The following CADM2 variants were observed in gnomAD, a reference collection of about 807,000 sequenced individuals.
CADM2 encodes cell adhesion molecule 2, also known as immunoglobulin superfamily member 4D.
CADM2 carries 12 observed loss-of-function variants against 49.8 expected under a neutral mutation model. The observed-to-expected ratio is 0.24, with a 90% CI of 0.15 to 0.39. CADM2 has a LOEUF of 0.39. CADM2 is among the 10% of genes least tolerant of loss of function. The pLI, the probability that CADM2 is intolerant of heterozygous loss-of-function variation, is 1.00. For missense variants in CADM2, 378 were observed against 492.3 expected, an observed-to-expected ratio of 0.77 and a Z score of 2.20; for synonymous variants, 214 against 175.4, an observed-to-expected ratio of 1.22 and a Z score of -1.74.
chr3:86,017,066 G>A (rs372607686), intron 8 of CADM2, among the ~76,000 whole-genome samples: 2 of 151,244 alleles, frequency 1.3e-5, no homozygotes, highest in Admixed American at 6.6e-5. Flanking sequence ...ATTGCTTTAA[G>A]CTTTTACAGA....
chr3:85,124,358 T>A (rs1387115992), intron 1 of CADM2, among the ~76,000 whole-genome samples: 10 of 152,174 alleles, frequency 6.6e-5, no homozygotes, highest in Non-Finnish European at 1.2e-4. Flanking sequence ...AATCTCAGCA[T>A]TCTGGGAGGC....
At chr3:85,371,408 A>G (rs1324092768) in intron 1 of CADM2, among the ~76,000 whole-genome samples, 1 of 151,916 alleles carries the variant, frequency 6.6e-6, no homozygotes, top group East Asian at 1.9e-4. Flanking sequence ...ATTGTGCTGC[A>G]ACTACCTACA....
intron 1 of CADM2, among the ~76,000 whole-genome samples, chr3:85,613,144 A>G (rs2063719780): frequency 6.6e-6 from 1 of 151,846 alleles, no homozygotes; most frequent in East Asian, 1.9e-4. Context: ...TAATGTATGC[A>G]GACACATTGA....
intron 3 of CADM2, among the ~76,000 whole-genome samples, chr3:85,857,353 T>C (rs1287509821): frequency 6.6e-6 from 1 of 152,168 alleles, no homozygotes; most frequent in Non-Finnish European, 1.5e-5. Context: ...GTCAAGATAC[T>C]AGTCAAAATG....
intron 1 of CADM2, among the ~76,000 whole-genome samples, chr3:85,651,050 C>A (rs2065029175): frequency 1.3e-5 from 2 of 151,364 alleles, no homozygotes; most frequent in Admixed American, 1.3e-4. Flanking sequence ...ATGGTTTGAA[C>A]AACTTTAACC....
chr3:85,216,505 G>A (rs894362160), intron 1 of CADM2, among the ~76,000 whole-genome samples: 3 of 151,490 alleles, frequency 2.0e-5, no homozygotes, highest in Non-Finnish European at 4.4e-5. Flanking sequence ...ATTCTTTGCT[G>A]CAAATTAAAA....
intron 6 of CADM2, among the ~76,000 whole-genome samples, chr3:85,917,726 G>T (rs1718549061): frequency 6.6e-6 from 1 of 152,278 alleles, no homozygotes; most frequent in African/African-American, 2.4e-5. Flanking sequence ...TAGCTTGATG[G>T]GGATGGCATT....
At chr3:85,519,670 TAAG>T (rs367999139) in intron 1 of CADM2, among the ~76,000 whole-genome samples, 42 of 152,250 alleles carry the variant, frequency 2.8e-4, no homozygotes, top group African/African-American at 9.4e-4. Context: ...AGTAAAGTTC[TAAG>T]AAGAGCTTGG....
At chr3:85,599,215 C>T (rs1174069244) in intron 1 of CADM2, among the ~76,000 whole-genome samples, 1 of 151,922 alleles carries the variant, frequency 6.6e-6, no homozygotes, top group Non-Finnish European at 1.5e-5. Flanking sequence ...TGATCGATAC[C>T]TTTTAGAACT....
At chr3:85,248,953 T>G (rs2042714078) in intron 1 of CADM2, among the ~76,000 whole-genome samples, 1 of 152,174 alleles carries the variant, frequency 6.6e-6, no homozygotes, top group Non-Finnish European at 1.5e-5. Context: ...CAATCTGATT[T>G]TTGAGCAGAA....
chr3:85,213,952 TA>T (rs1474950793), intron 1 of CADM2, among the ~76,000 whole-genome samples: 1 of 152,146 alleles, frequency 6.6e-6, no homozygotes, highest in African/African-American at 2.4e-5. Context: ...ATTTATCTGA[TA>T]AGAATCTGAA....
chr3:85,445,455 C>A (rs752672792), intron 1 of CADM2, among the ~76,000 whole-genome samples: 1 of 151,924 alleles, frequency 6.6e-6, no homozygotes, highest in African/African-American at 2.4e-5. Flanking sequence ...GTAGATAAAA[C>A]ATACTGTTGT....
chr3:85,728,506 C>A, intron 2 of CADM2, among the ~76,000 whole-genome samples: 1 of 151,228 alleles, frequency 6.6e-6, no homozygotes. Context: ...TTTTTTGGTC[C>A]AATTTCTATA....
At chr3:85,253,381 T>C (rs1474562734) in intron 1 of CADM2, among the ~76,000 whole-genome samples, 1 of 152,090 alleles carries the variant, frequency 6.6e-6, no homozygotes, top group African/African-American at 2.4e-5. Context: ...ATCCTATAGC[T>C]TAGTTTCTTG....
intron 1 of CADM2, among the ~76,000 whole-genome samples, chr3:85,714,938 T>G (rs575552511): frequency 6.6e-6 from 1 of 152,224 alleles, no homozygotes; most frequent in East Asian, 1.9e-4. Flanking sequence ...ACACTTTAGT[T>G]TTCTAATTGC....
At chr3:85,519,669 C>T (rs1405374656) in intron 1 of CADM2, among the ~76,000 whole-genome samples, 1 of 151,996 alleles carries the variant, frequency 6.6e-6, no homozygotes. Context: ...AAGTAAAGTT[C>T]TAAGAAGAGC....
chr3:85,518,932 C>A (rs1173198665), intron 1 of CADM2, among the ~76,000 whole-genome samples: 1 of 152,068 alleles, frequency 6.6e-6, no homozygotes, highest in African/African-American at 2.4e-5. Flanking sequence ...ATTTTTCCAG[C>A]CTACTACCAG....
intron 1 of CADM2, among the ~76,000 whole-genome samples, chr3:85,475,731 T>A (rs1237739928): frequency 1.3e-5 from 2 of 151,956 alleles, no homozygotes; most frequent in Non-Finnish European, 2.9e-5. Flanking sequence ...CAATTTAAAG[T>A]GCTCAGAGAG....
chr3:85,719,315 T>A (rs921775912), intron 1 of CADM2, among the ~76,000 whole-genome samples: 38 of 152,158 alleles, frequency 2.5e-4, no homozygotes, highest in Admixed American at 1.3e-4. Context: ...GGAAAAGATG[T>A]GTTCAGAAAT....
Sources: gnomAD v4.1 joint callset for allele counts (sites outside exome capture counted in the v4.1 genomes callset) on GRCh38, gnomAD v4.1.1 for gene constraint, MANE v1.5 for transcripts, NCBI Gene and HGNC (gene_info 2026-07-23, HGNC 2026-07-21) for gene names.